UBR1: variants seen among roughly 807,000 people sequenced by gnomAD.
UBR1 encodes the protein ubiquitin protein ligase E3 component n-recognin 1.
A neutral mutation model predicts 242.1 loss-of-function variants in UBR1; 102 were observed. The observed-to-expected ratio is 0.42, with a 90% CI of 0.36 to 0.50. The LOEUF (loss-of-function observed/expected upper bound fraction) is 0.50, where lower values mean the gene tolerates loss of function less well. Among genes scored for constraint, UBR1 ranks in the 20% least tolerant of loss-of-function variants. The pLI is 0.01. For synonymous variants in UBR1, 675 were observed against 684.8 expected (o/e 0.99, Z 0.22); for missense variants, 1,772 against 2,101.8 (o/e 0.84, Z 3.07).
chr15:43,100,090 C>T (rs570738489), intron 1 of UBR1, among the ~76,000 whole-genome samples: 5 of 152,076 alleles, frequency 3.3e-5, no homozygotes, highest in South Asian at 2.1e-4. Context: ...TTAGCCAGGA[C>T]GGTCTCGATC....
chr15:43,102,414 G>A (rs2034248568), intron 1 of UBR1, among the ~76,000 whole-genome samples: 1 of 152,162 alleles, frequency 6.6e-6, no homozygotes, highest in Admixed American at 6.5e-5. Flanking sequence ...GTTCAGAAGT[G>A]AGATGACACA....
rs915101479 is a variant in UBR1, at chr15:43,004,045, G to T, written c.3416-115C>A. ...AAGTGTCACAATATCATGATAGGAGGATATATAGTAACAAAAAGAGAAAAG... is the reference window on the plus strand; with the variant it reads ...AAGTGTCACAATATCATGATAGGAGTATATATAGTAACAAAAAGAGAAAAG... On this transcript the variant is annotated intron_variant, in intron 30 of 46. Coordinates refer to ENST00000290650, the MANE Select transcript of UBR1 (RefSeq NM_174916.3). The T allele has an allele frequency of 4.6e-6, 4 of 865,384 alleles. No homozygotes were observed. In the Admixed American group the frequency reaches 5.6e-5, roughly 12 times the overall value. 53.6% of individuals were successfully genotyped at this position (865,384 alleles called of 1,614,324 possible). A position where few individuals can be genotyped will look rare whatever the true frequency, so the allele number is the denominator to read the frequency against.
At chr15:42,948,313 A>G (rs1413782627) in intron 46 of UBR1, among the ~76,000 whole-genome samples, 2 of 151,966 alleles carry the variant, frequency 1.3e-5, no homozygotes, top group Non-Finnish European at 2.9e-5. Context: ...CGTTAGACCT[A>G]AAACCATAAA....
chr15:42,973,885 GTT>G (rs1174730906), intron 39 of UBR1, among the ~76,000 whole-genome samples: 74 of 120,248 alleles, frequency 6.2e-4, no homozygotes, highest in African/African-American at 2.1e-3. Flanking sequence ...ACTTGTAGGA[GTT>G]TTTTTTTTTT....
At chr15:42,976,337 A>C (rs1247442942) in intron 39 of UBR1, among the ~76,000 whole-genome samples, 1 of 152,186 alleles carries the variant, frequency 6.6e-6, no homozygotes, top group Non-Finnish European at 1.5e-5. Flanking sequence ...TAAATGCTAC[A>C]AGGGGAAGAA....
chr15:42,951,943 T>C lies in UBR1; in HGVS notation c.5006+335A>G, dbSNP rs151233914. On this transcript the variant is annotated intron_variant, in intron 45 of 46. Coordinates refer to ENST00000290650, the MANE Select transcript of UBR1 (RefSeq NM_174916.3). ...TACCTTTTATTTGTTTATTTTTATT[T>C]ATTTTAAAGAGCTCATCTTCCAGGA... 2.5e-3 allele frequency among the ~76,000 whole-genome samples: 380 copies of C among 152,318 alleles called. 1 individual carries two copies. Among genetic ancestry groups the C allele is most frequent in the Middle Eastern group, 0.02 (6 of 294 alleles).
At chr15:43,066,185 G>A (rs1251952509) in intron 6 of UBR1, among the ~76,000 whole-genome samples, 1 of 152,118 alleles carries the variant, frequency 6.6e-6, no homozygotes, top group African/African-American at 2.4e-5. Flanking sequence ...TTCTGCATAT[G>A]GCTAGCCAGT....
intron 42 of UBR1, among the ~76,000 whole-genome samples, chr15:42,961,836 C>G (rs1383588249): frequency 6.6e-6 from 1 of 151,894 alleles, no homozygotes; most frequent in Non-Finnish European, 1.5e-5. Flanking sequence ...CTCACTGCAA[C>G]CTTCGCCTCC....
At chr15:43,096,453 C>T (rs1420023767) in intron 1 of UBR1, among the ~76,000 whole-genome samples, 11 of 152,110 alleles carry the variant, frequency 7.2e-5, no homozygotes. Context: ...TGAGCCAACG[C>T]GCCCGGCCAG....
intron 2 of UBR1, among the ~76,000 whole-genome samples, chr15:43,084,859 T>TA (rs769133242): frequency 1.3e-4 from 20 of 152,328 alleles, no homozygotes; most frequent in Middle Eastern, 3.4e-3. Context: ...TATAAGGAAG[T>TA]AAAAACAATT....
At position 43,043,295 on chromosome 15, in the gene UBR1, C is replaced by A; in HGVS notation, c.1769G>T (p.Gly590Val). The A allele has an allele frequency of 6.2e-7, 1 of 1,614,044 alleles. No homozygotes were observed. Among genetic ancestry groups the A allele is most frequent in the Non-Finnish European group, 8.5e-7 (1 of 1,179,998 alleles). ...GTAGGACTTTGTTTCCAAACTATGT[C>A]CACACGATTGTACTACTGTCTTGCT... is the stretch of plus-strand genomic sequence containing the variant. ...SSSKTVVQSCGHSLETKSYRV... is the reference protein window; with the variant it reads ...SSSKTVVQSCVHSLETKSYRV... Residue 590 changes from glycine (G) to valine (V), a missense_variant, in exon 15 of 47, where the codon GGA becomes GTA. Transcript: ENST00000290650.
At chr15:42,989,384 A>T (rs1400320766) in intron 34 of UBR1, among the ~76,000 whole-genome samples, 1 of 152,210 alleles carries the variant, frequency 6.6e-6, no homozygotes, top group African/African-American at 2.4e-5. Context: ...AGGTATGTGT[A>T]TGTGTTTGTG....
chr15:42,997,713 C>T (rs960124869), intron 33 of UBR1, among the ~76,000 whole-genome samples: 10 of 152,114 alleles, frequency 6.6e-5, no homozygotes, highest in African/African-American at 2.4e-4. Context: ...TTACTATGTA[C>T]CATGGACTAT....
intron 12 of UBR1, among the ~76,000 whole-genome samples, chr15:43,050,586 T>TGACA (rs771745779): frequency 5.3e-5 from 8 of 151,958 alleles, no homozygotes; most frequent in Admixed American, 1.3e-4. Flanking sequence ...TAGCCAGGCA[T>TGACA]GACAGCATGT....
intron 5 of UBR1, among the ~76,000 whole-genome samples, chr15:43,070,316 G>A (rs2033809427): frequency 6.8e-6 from 1 of 146,210 alleles, no homozygotes; most frequent in South Asian, 2.2e-4. Context: ...TACCACCAAG[G>A]CACAGGGGAA....
chr15:43,022,289 C>T (rs530221056), intron 26 of UBR1, among the ~76,000 whole-genome samples: 2 of 152,014 alleles, frequency 1.3e-5, no homozygotes, highest in Non-Finnish European at 2.9e-5. Context: ...GCAAAATGAA[C>T]GTTATCATTC....
At chr15:43,034,397 G>A (rs956981668) in intron 19 of UBR1, among the ~76,000 whole-genome samples, 5 of 151,760 alleles carry the variant, frequency 3.3e-5, no homozygotes, top group Admixed American at 6.6e-5. Flanking sequence ...CCAAGATGGC[G>A]CCACAGCACT....
chr15:42,989,792 G>A (rs965683973), intron 34 of UBR1, among the ~76,000 whole-genome samples: 11 of 152,050 alleles, frequency 7.2e-5, no homozygotes, highest in Non-Finnish European at 1.5e-4. Context: ...ACAGAGAACT[G>A]GCATTTTTGT....
chr15:42,981,447 G>A (rs1296919824), intron 37 of UBR1, among the ~76,000 whole-genome samples: 1 of 152,134 alleles, frequency 6.6e-6, no homozygotes, highest in East Asian at 1.9e-4. Flanking sequence ...CCCTGTTAGA[G>A]GAGATAACAG....
Sources: allele counts gnomAD v4.1 joint callset (sites outside exome capture counted in the v4.1 genomes callset), GRCh38; gene constraint gnomAD v4.1.1; transcripts MANE v1.5; gene names NCBI Gene and HGNC (gene_info 2026-07-23, HGNC 2026-07-21).